The following CD109 variants were observed in gnomAD, a reference collection of about 807,000 sequenced individuals.
CD109 encodes CD109 molecule.
A neutral mutation model predicts 165.8 loss-of-function variants in CD109; 149 were observed. The ratio of observed to expected loss-of-function variants is 0.90; its 90% CI spans 0.79 to 1.03. The LOEUF (loss-of-function observed/expected upper bound fraction) is 1.03, where lower values mean the gene tolerates loss of function less well. Ranked by LOEUF, CD109 falls within the 50% of genes least tolerant of loss-of-function variation. CD109 has a pLI of 0.00. For missense variants in CD109, 1,712 were observed against 1,677.8 expected (o/e 1.02, Z -0.36); for synonymous variants, 585 against 592.1 (o/e 0.99, Z 0.18).
chr6:73,758,945 A>G lies in CD109; in HGVS notation c.675A>G (p.Val225=). The G allele has an allele frequency of 6.4e-7, 1 of 1,564,688 alleles. No homozygotes were observed. Among genetic ancestry groups the G allele is most frequent in the Non-Finnish European group, 8.8e-7 (1 of 1,136,904 alleles). Residue 225 remains valine, a splice_region_variant and synonymous_variant, in exon 7 of 33, where the codon GTA becomes GTG. Coordinates refer to ENST00000287097, the MANE Select transcript of CD109 (RefSeq NM_133493.5). ...TTTACCCTTGCTTTTCTTTTCCAGT[A>G]TTACCAAAATTTGAAGTGACTTTGC... The part of the protein sequence containing the change: ...YYQSFQVSEY[V]LPKFEVTLQT...
intron 24 of CD109, among the ~76,000 whole-genome samples, chr6:73,805,938 ACTT>A (rs927339265): frequency 3.3e-5 from 5 of 152,114 alleles, no homozygotes; most frequent in African/African-American, 1.2e-4. Context: ...TCCTATGTCT[ACTT>A]CTTTCTACAC....
intron 9 of CD109, 58 bp downstream of exon 9, chr6:73,762,940 T>G: frequency 1.4e-6 from 2 of 1,441,514 alleles, no homozygotes; most frequent in South Asian, 2.8e-5. Flanking sequence ...TTATCATCTT[T>G]CTTATTATAA....
At chr6:73,770,569 A>AC (rs1339421195) in intron 14 of CD109, among the ~76,000 whole-genome samples, 2 of 152,040 alleles carry the variant, frequency 1.3e-5, no homozygotes, top group Non-Finnish European at 2.9e-5. Context: ...ACATGGTGAA[A>AC]CCCTGTCTCT....
the CD109 span, among the ~76,000 whole-genome samples, chr6:73,689,429 T>G: frequency 1.3e-5 from 2 of 152,338 alleles, no homozygotes; most frequent in East Asian, 3.9e-4. Context: ...CTGAGTCTGC[T>G]GTAGAATCTG....
chr6:73,780,993 C>A (rs1774469795), intron 16 of CD109, among the ~76,000 whole-genome samples: 1 of 134,188 alleles, frequency 7.5e-6, no homozygotes, highest in Non-Finnish European at 1.6e-5. Flanking sequence ...TGAGAGAGAT[C>A]GATATGTGTA....
At position 73,730,329 on chromosome 6, in the gene CD109, T is replaced by A. The variant is rs1021832148; in HGVS notation, c.277-15T>A. On this transcript the variant is annotated splice_polypyrimidine_tract_variant and intron_variant, in intron 3 of 32. Transcript: ENST00000287097. ...AATAATGAGACCTTGATGTGTGATC[T>A]CTTTTTCCCCCCAGCTACCTCTGAA... is the stretch of plus-strand genomic sequence containing the variant. 2.0e-6 allele frequency: 3 copies of A among 1,515,244 alleles called. No individual in the cohort carries two copies. In the African/African-American group the frequency reaches 4.1e-5, roughly 21 times the overall value. The allele number at this position is 1,515,244 out of a possible 1,614,324, so 93.9% of individuals were successfully genotyped here. A position where few individuals can be genotyped will look rare whatever the true frequency, so the allele number is the denominator to read the frequency against.
intron 5 of CD109, 85 bp downstream of exon 5, chr6:73,736,593 A>G (rs1395635452): frequency 1.7e-6 from 2 of 1,161,262 alleles, no homozygotes; most frequent in Non-Finnish European, 2.4e-6. Flanking sequence ...TCATTTATAC[A>G]ATGAAGAGAA....
Position 73,803,217 on chromosome 6 carries a change from T to C in CD109, c.2879-3T>C, listed in dbSNP as rs553355434. On this transcript the variant is annotated splice_polypyrimidine_tract_variant and splice_region_variant and intron_variant, in intron 23 of 32. Transcript: ENST00000287097. ...TTGACTATCTGTCTATTTTTGTGTC[T>C]AGGTTACCAGAGAGAACTTCTCTAT... The C allele has an allele frequency of 1.2e-6, 2 of 1,606,450 alleles. No individual in the cohort carries two copies. Among genetic ancestry groups the C allele is most frequent in the African/African-American group, 1.3e-5 (1 of 74,722 alleles).
At chr6:73,730,094 T>G (rs1173560195) in intron 3 of CD109, among the ~76,000 whole-genome samples, 1 of 152,178 alleles carries the variant, frequency 6.6e-6, no homozygotes, top group South Asian at 2.1e-4. Flanking sequence ...GCAAGGTGAC[T>G]CCTGCTGAGG....
intron 20 of CD109, 82 bp from the exon 21 acceptor site, chr6:73,787,152 C>A: frequency 1.2e-6 from 1 of 803,220 alleles, no homozygotes; most frequent in Non-Finnish European, 2.0e-6. Flanking sequence ...ACAGATTTGA[C>A]AGTACTTAAA....
At chr6:73,802,289 GTA>G (rs1554183442) in intron 23 of CD109, among the ~76,000 whole-genome samples, 45 of 78,206 alleles carry the variant, frequency 5.8e-4, no homozygotes, top group African/African-American at 1.0e-3. Flanking sequence ...GTGTGTGTGT[GTA>G]TATATATATA....
intron 18 of CD109, 74 bp downstream of exon 18, chr6:73,782,829 C>T (rs1774556270): frequency 8.9e-6 from 13 of 1,459,700 alleles, no homozygotes; most frequent in Non-Finnish European, 1.1e-5. Flanking sequence ...TGCCCGCTTT[C>T]TAATGTTTAA....
chr6:73,724,948 A>C (rs1772080405), intron 3 of CD109, among the ~76,000 whole-genome samples: 1 of 152,144 alleles, frequency 6.6e-6, no homozygotes. Context: ...TTCAGAAACC[A>C]CATTTATTTT....
intron 26 of CD109, 87 bp downstream of exon 26, chr6:73,808,335 AT>A: frequency 7.7e-7 from 1 of 1,292,458 alleles, no homozygotes; most frequent in Non-Finnish European, 1.1e-6. Flanking sequence ...TTTGAAATTG[AT>A]TACATCTGCA....
intron 22 of CD109, 147 bp from the exon 23 acceptor site, chr6:73,792,479 G>A (rs746577460): frequency 2.6e-5 from 18 of 699,054 alleles, no homozygotes; most frequent in Non-Finnish European, 3.9e-5. Flanking sequence ...AAAGCTTGGT[G>A]TAAAGTTCCA....
chr6:73,820,424 T>C lies in CD109; in HGVS notation c.4060-37T>C, dbSNP rs546120154. On this transcript the variant is annotated intron_variant, in intron 31 of 32. Coordinates refer to ENST00000287097, the MANE Select transcript of CD109 (RefSeq NM_133493.5). Reference sequence around the variant, plus strand: ...TCTTTACTTAATCATGAACACACAGTGTGCCAACCCCTTAAGACTCTTTTG... The same window carrying C: ...TCTTTACTTAATCATGAACACACAGCGTGCCAACCCCTTAAGACTCTTTTG... 8 of 1,148,220 alleles carry C rather than the reference T, an allele frequency of 7.0e-6. No homozygotes were observed. The East Asian group carries it at 1.7e-4, about 24-fold the overall frequency. 71.1% of individuals were successfully genotyped at this position (1,148,220 alleles called of 1,614,324 possible).
chr6:73,760,406 C>CAAAAA (rs35181896), intron 7 of CD109, among the ~76,000 whole-genome samples: 5 of 16,586 alleles, frequency 3.0e-4, no homozygotes, highest in Non-Finnish European at 3.9e-4. Context: ...GACCCCGTCT[C>CAAAAA]AAAAAAAAAA....
In CD109 at chr6:73,823,764, G is replaced by A; in HGVS notation, c.*131G>A. 3 of 762,180 alleles carry A rather than the reference G, an allele frequency of 3.9e-6. No homozygotes were observed. In the East Asian group the frequency reaches 7.6e-5, roughly 19 times the overall value. 47.2% of individuals were successfully genotyped at this position (762,180 alleles called of 1,614,324 possible). On this transcript the variant is annotated 3_prime_UTR_variant, in exon 33 of 33. Coordinates refer to ENST00000287097, the MANE Select transcript of CD109 (RefSeq NM_133493.5). ...TTTCTTTCTATGGGGTTGCAGGGAT[G>A]GTGTACAACAGGTCCTAGCATGTAT...
intron 5 of CD109, among the ~76,000 whole-genome samples, chr6:73,747,363 G>A (rs1470842376): frequency 2.0e-5 from 3 of 152,034 alleles, no homozygotes; most frequent in Admixed American, 6.5e-5. Flanking sequence ...TGATCTCTCT[G>A]CCTCCATTTT....
Sources: gnomAD v4.1 joint callset for allele counts (sites outside exome capture counted in the v4.1 genomes callset) on GRCh38, gnomAD v4.1.1 for gene constraint, MANE v1.5 for transcripts, NCBI Gene and HGNC (gene_info 2026-07-23, HGNC 2026-07-21) for gene names.